PAQR3: variants seen among roughly 807,000 people sequenced by gnomAD.
PAQR3 encodes the protein Raf kinase trapping to Golgi.
Under a neutral mutation model 41.7 loss-of-function variants are expected in PAQR3, and 39 were observed. The observed-to-expected ratio is 0.93, with a 90% confidence interval of 0.72 to 1.22. The LOEUF is 1.22. Among genes scored for constraint, PAQR3 ranks in the 50% most tolerant of loss-of-function variants. The pLI is 0.00. For missense variants in PAQR3, 366 were observed against 385.6 expected (o/e 0.95, Z 0.42); for synonymous variants, 140 against 140.6 (o/e 1.00, Z 0.03).
At chr4:78,936,138 T>C (rs928006763) in intron 1 of PAQR3, among the ~76,000 whole-genome samples, 1 of 152,212 alleles carries the variant, frequency 6.6e-6, no homozygotes, top group African/African-American at 2.4e-5. Context: ...GGAGCTTCAT[T>C]AGATGCTGCT....
chr4:78,907,940 T>A (rs1734370731), downstream of PAQR3, among the ~76,000 whole-genome samples: 1 of 152,214 alleles, frequency 6.6e-6, no homozygotes, highest in African/African-American at 2.4e-5. Context: ...ATGGGAAATC[T>A]TCTGGAACCG....
In PAQR3 at chr4:78,917,420, T is replaced by G. The variant is rs1735185291; in HGVS notation, c.*3119A>C. 6.6e-6 allele frequency: 1 copy of G among 151,940 alleles called. No homozygotes were observed. The highest frequency in any genetic ancestry group is 1.5e-5 in the Non-Finnish European group (1 of 67,914). The allele number at this position is 151,940 out of a possible 1,614,324, so 9.4% of individuals were successfully genotyped here. On this transcript the variant is annotated 3_prime_UTR_variant, in exon 6 of 6. Transcript: ENST00000512733. Reference sequence around the variant, plus strand: ...TTTCACAAGAAACCCCCTACTGCTATTTACCTCTCCCTTCCAAAAATGTTT... The same window carrying G: ...TTTCACAAGAAACCCCCTACTGCTAGTTACCTCTCCCTTCCAAAAATGTTT...
In PAQR3 at chr4:78,919,169, A is replaced by AT; in HGVS notation, c.*1369dup. 1 of 985,124 alleles carries AT rather than the reference A, an allele frequency of 1.0e-6. No individual in the cohort carries two copies. Among genetic ancestry groups the AT allele is most frequent in the Non-Finnish European group, 1.2e-6 (1 of 829,762 alleles). 61.0% of individuals were successfully genotyped at this position (985,124 alleles called of 1,614,324 possible). A position where few individuals can be genotyped will look rare whatever the true frequency, so the allele number is the denominator to read the frequency against. On this transcript the variant is annotated 3_prime_UTR_variant, in exon 6 of 6. Transcript: ENST00000512733. ...TCCAAGTATCATATGCACAAAAGGC[A>AT]TTTTGGGAATAAGCTTCATCATCAA...
chr4:78,938,851 G>A (rs1737719079), intron 1 of PAQR3, among the ~76,000 whole-genome samples, 189 bp downstream of exon 1: 1 of 151,742 alleles, frequency 6.6e-6, no homozygotes, highest in Non-Finnish European at 1.5e-5. Context: ...TGATTATTCC[G>A]TGGACCAAGT....
intron 3 of PAQR3, among the ~76,000 whole-genome samples, chr4:78,929,888 TATAG>T (rs929231891): frequency 3.9e-5 from 6 of 152,168 alleles, no homozygotes; most frequent in Admixed American, 3.9e-4. Context: ...CACGCAGCCA[TATAG>T]ATTTAGTGAA....
At chr4:78,922,687 T>C (rs1735775769) in intron 5 of PAQR3, 1 of 359,786 alleles carries the variant, frequency 2.8e-6, no homozygotes, top group Non-Finnish European at 5.5e-6. Flanking sequence ...TTACATGATA[T>C]GTGCATTTTC....
chr4:78,928,265 T>A (rs1338334262), intron 3 of PAQR3, among the ~76,000 whole-genome samples: 1 of 152,204 alleles, frequency 6.6e-6, no homozygotes, highest in African/African-American at 2.4e-5. Flanking sequence ...TAATTTTTTT[T>A]AAAGATATAA....
Position 78,935,267 on chromosome 4 carries a change from T to G in PAQR3, c.202A>C (p.Asn68His). 3 of 1,609,130 alleles carry G rather than the reference T, an allele frequency of 1.9e-6. No homozygotes were observed. The highest frequency in any genetic ancestry group is 2.5e-6 in the Non-Finnish European group (3 of 1,178,770). Residue 68 changes from asparagine to histidine, a missense_variant, in exon 2 of 6, where the codon AAT becomes CAT. Asn to His is a moderately conservative substitution (Grantham distance 68). Transcript: ENST00000512733. ...LCIKSLFILS[N>H]ETVNIWSHLL... ...TGACTCCAGATGTTTACTGTCTCATTAGATAAAATAAACAAACTGGAAAAT... is the reference window on the plus strand; with the variant it reads ...TGACTCCAGATGTTTACTGTCTCATGAGATAAAATAAACAAACTGGAAAAT...
At chr4:78,909,079 T>TTTTTA (rs1734435874), downstream of PAQR3, among the ~76,000 whole-genome samples, 1 of 143,512 alleles carries the variant, frequency 7.0e-6, no homozygotes, top group African/African-American at 2.7e-5. Context: ...TTTTTTTTTT[T>TTTTTA]GAGACAGTTC....
At chr4:78,932,227 T>C (rs1170486629) in intron 2 of PAQR3, among the ~76,000 whole-genome samples, 1 of 152,202 alleles carries the variant, frequency 6.6e-6, no homozygotes, top group African/African-American at 2.4e-5. Flanking sequence ...AAATCCTTAA[T>C]AGTCTATAGC....
downstream of PAQR3, chr4:78,911,873 A>G: frequency 1.2e-6 from 2 of 1,613,972 alleles, no homozygotes; most frequent in Non-Finnish European, 1.7e-6. Flanking sequence ...AATTCACTAC[A>G]TGGGTCATTC....
At chr4:78,934,047 G>C (rs1380389717) in intron 2 of PAQR3, among the ~76,000 whole-genome samples, 1 of 152,084 alleles carries the variant, frequency 6.6e-6, no homozygotes, top group Middle Eastern at 3.2e-3. Context: ...GATTTCAAGG[G>C]ATATTTTGGC....
intron 1 of PAQR3, among the ~76,000 whole-genome samples, chr4:78,935,975 T>C (rs1273238532): frequency 6.6e-6 from 1 of 152,214 alleles, no homozygotes; most frequent in East Asian, 1.9e-4. Context: ...ATATGGGTAC[T>C]ACGTGCTCTC....
chr4:78,904,508 T>A (rs1342928908), intron 11 of PAQR3, among the ~76,000 whole-genome samples: 2 of 151,922 alleles, frequency 1.3e-5, no homozygotes, highest in African/African-American at 4.8e-5. Flanking sequence ...ACAAGATAAT[T>A]TAAAACTTTA....
At position 78,939,125 on chromosome 4, in the gene PAQR3, C is replaced by G; in HGVS notation, c.100G>C (p.Glu34Gln). The change falls in exon 1 of 6, where the codon GAG becomes CAG. Residue 34 changes from glutamate (E) to glutamine (Q), a missense_variant. Glu to Gln is a conservative substitution (Grantham distance 29). Transcript: ENST00000512733. ...VPRGIRLYTY[E>Q]QIPGSLKDNP... ...TCCTTGAGGGACCCGGGGATCTGCT[C>G]GTAGGTGTACAGGCGGATGCCACGG... is the stretch of plus-strand genomic sequence containing the variant. 6.2e-7 allele frequency: 1 copy of G among 1,613,808 alleles called. No homozygotes were observed. The highest frequency in any genetic ancestry group is 8.5e-7 in the Non-Finnish European group (1 of 1,179,868).
At chr4:78,934,267 T>C (rs952124358) in intron 2 of PAQR3, among the ~76,000 whole-genome samples, 6 of 152,280 alleles carry the variant, frequency 3.9e-5, no homozygotes, top group African/African-American at 1.4e-4. Context: ...TAAACTTGAG[T>C]AAAATGATGA....
downstream of PAQR3, chr4:78,911,276 A>G: frequency 1.2e-6 from 2 of 1,614,038 alleles, no homozygotes; most frequent in Non-Finnish European, 1.7e-6. Flanking sequence ...GTGAATGTAC[A>G]AGAATGCCAT....
rs1382490270 is a variant in PAQR3, at chr4:78,918,511, T to C, written c.*2028A>G. ...GAGAGGATAACTTTCTTACAATATTTAACATTTTCATACAGAGTTGAAATG... is the reference window on the plus strand; with the variant it reads ...GAGAGGATAACTTTCTTACAATATTCAACATTTTCATACAGAGTTGAAATG... On this transcript the variant is annotated 3_prime_UTR_variant, in exon 6 of 6. Transcript: ENST00000512733. 1.0e-6 allele frequency: 1 copy of C among 964,716 alleles called. No homozygotes were observed. Among genetic ancestry groups the C allele is most frequent in the Non-Finnish European group, 1.2e-6 (1 of 810,970 alleles). The allele number at this position is 964,716 out of a possible 1,614,324, so 59.8% of individuals were successfully genotyped here. A position where few individuals can be genotyped will look rare whatever the true frequency, so the allele number is the denominator to read the frequency against.
downstream of PAQR3, among the ~76,000 whole-genome samples, chr4:78,910,211 T>C (rs918349821): frequency 5.3e-5 from 8 of 152,226 alleles, no homozygotes; most frequent in African/African-American, 1.7e-4. Context: ...GGGAAAACTT[T>C]ACAAGAGTTG....
Sources: allele counts gnomAD v4.1 joint callset (sites outside exome capture counted in the v4.1 genomes callset), GRCh38; gene constraint gnomAD v4.1.1; transcripts MANE v1.5; gene names NCBI Gene and HGNC (gene_info 2026-07-23, HGNC 2026-07-21).